SLC24A2: variants seen among roughly 807,000 people sequenced by gnomAD.
SLC24A2 encodes solute carrier family 24 member 2.
In SLC24A2, 36 loss-of-function variants were observed where a neutral mutation model predicts 62.0. The observed-to-expected ratio is 0.58, with a 90% CI of 0.44 to 0.77. The LOEUF is 0.77. SLC24A2 is among the 30% of genes least tolerant of loss of function. SLC24A2 has a pLI of 0.00. For missense variants in SLC24A2, 846 were observed against 817.9 expected, an observed-to-expected ratio of 1.03 and a Z score of -0.42; for synonymous variants, 358 against 294.0, an observed-to-expected ratio of 1.22 and a Z score of -2.23.
the SLC24A2 span, among the ~76,000 whole-genome samples, chr9:19,840,789 A>C: frequency 1.3e-5 from 2 of 152,010 alleles, no homozygotes; most frequent in Non-Finnish European, 2.9e-5. Flanking sequence ...CCTCTCTCTG[A>C]TTTTTATCAT....
chr9:20,277,338 T>A, the SLC24A2 span, among the ~76,000 whole-genome samples: 1 of 151,806 alleles, frequency 6.6e-6, no homozygotes, highest in East Asian at 1.9e-4. Flanking sequence ...TCTACCCATC[T>A]GACAAAGGGC....
chr9:19,532,496 A>G (rs1308920900), intron 8 of SLC24A2, among the ~76,000 whole-genome samples: 6 of 152,134 alleles, frequency 3.9e-5, no homozygotes, highest in Non-Finnish European at 7.4e-5. Flanking sequence ...TGTATTTTTT[A>G]CTGTTGTATT....
At chr9:20,098,137 G>T in the SLC24A2 span, among the ~76,000 whole-genome samples, 1 of 152,126 alleles carries the variant, frequency 6.6e-6, no homozygotes, top group Non-Finnish European at 1.5e-5. Flanking sequence ...AGTAGAGAAG[G>T]TTACTTAGCT....
At chr9:20,041,784 G>C in the SLC24A2 span, among the ~76,000 whole-genome samples, 560 of 152,382 alleles carry the variant, frequency 3.7e-3, 5 homozygotes, top group Non-Finnish European at 6.3e-3. Flanking sequence ...CCAGTCGGGG[G>C]TCTAAGAAGC....
intron 2 of SLC24A2, among the ~76,000 whole-genome samples, chr9:19,784,314 A>G (rs942674733): frequency 6.6e-6 from 1 of 152,230 alleles, no homozygotes; most frequent in Non-Finnish European, 1.5e-5. Flanking sequence ...GCAATCCTAC[A>G]TATACCATTG....
the SLC24A2 span, among the ~76,000 whole-genome samples, chr9:20,164,511 T>C: frequency 1.3e-5 from 2 of 150,292 alleles, no homozygotes; most frequent in African/African-American, 2.4e-5. Flanking sequence ...TGTGGAGAAA[T>C]AGGAACACTT....
chr9:20,231,393 A>G, the SLC24A2 span, among the ~76,000 whole-genome samples: 1 of 152,088 alleles, frequency 6.6e-6, no homozygotes, highest in Non-Finnish European at 1.5e-5. Flanking sequence ...ATTTGTTTGT[A>G]ACCTCTTTTA....
the SLC24A2 span, among the ~76,000 whole-genome samples, chr9:20,062,077 A>T: frequency 1.3e-5 from 2 of 152,124 alleles, no homozygotes; most frequent in Non-Finnish European, 2.9e-5. Context: ...AAAGAAAAAG[A>T]AAATACCCAG....
At chr9:19,886,018 T>A in the SLC24A2 span, among the ~76,000 whole-genome samples, 1 of 152,206 alleles carries the variant, frequency 6.6e-6, no homozygotes, top group Non-Finnish European at 1.5e-5. Flanking sequence ...TTTAGGTTGA[T>A]TCCATGTCTT....
chr9:19,835,137 A>G, the SLC24A2 span, among the ~76,000 whole-genome samples: 1 of 152,234 alleles, frequency 6.6e-6, no homozygotes, highest in Non-Finnish European at 1.5e-5. Context: ...AATTGTAAAG[A>G]CCATCAAGGC....
intron 4 of SLC24A2, among the ~76,000 whole-genome samples, chr9:19,601,145 G>A (rs897195829): frequency 5.9e-5 from 9 of 151,786 alleles, no homozygotes; most frequent in Non-Finnish European, 1.0e-4. Context: ...AGCCAGCAAC[G>A]AGATTGTAAA....
At chr9:20,105,953 A>T in the SLC24A2 span, among the ~76,000 whole-genome samples, 1 of 152,210 alleles carries the variant, frequency 6.6e-6, no homozygotes, top group Non-Finnish European at 1.5e-5. Flanking sequence ...ACCGCTGGCA[A>T]GACTAATAAA....
chr9:19,740,224 T>C (rs1232357259), intron 2 of SLC24A2, among the ~76,000 whole-genome samples: 2 of 152,176 alleles, frequency 1.3e-5, no homozygotes, highest in African/African-American at 2.4e-5. Context: ...ATTCCATTCA[T>C]GGTATGTACC....
chr9:19,905,036 T>TTTG, the SLC24A2 span, among the ~76,000 whole-genome samples: 1 of 152,164 alleles, frequency 6.6e-6, no homozygotes, highest in African/African-American at 2.4e-5. Flanking sequence ...AATTAGATTT[T>TTTG]TTGTTGTTGT....
the SLC24A2 span, among the ~76,000 whole-genome samples, chr9:19,797,169 T>C: frequency 6.6e-6 from 1 of 152,352 alleles, no homozygotes; most frequent in East Asian, 1.9e-4. Context: ...GCTTCTCTTA[T>C]GTCTCTGAGA....
the SLC24A2 span, among the ~76,000 whole-genome samples, chr9:20,008,884 T>C: frequency 6.6e-6 from 1 of 152,148 alleles, no homozygotes; most frequent in South Asian, 2.1e-4. Flanking sequence ...ATAGGAGTTC[T>C]CCGGCTTCAC....
At chr9:19,620,210 G>T (rs1817875441) in intron 3 of SLC24A2, among the ~76,000 whole-genome samples, 1 of 152,142 alleles carries the variant, frequency 6.6e-6, no homozygotes, top group African/African-American at 2.4e-5. Context: ...AGGCATCTAT[G>T]CCCATATCTG....
intron 5 of SLC24A2, among the ~76,000 whole-genome samples, chr9:19,586,414 C>T (rs897736245): frequency 7.2e-5 from 11 of 152,090 alleles, no homozygotes; most frequent in Non-Finnish European, 1.3e-4. Flanking sequence ...TCAGATTTTT[C>T]GCTATATGAA....
chr9:19,669,266 G>T (rs2074456179), intron 2 of SLC24A2, among the ~76,000 whole-genome samples: 2 of 152,142 alleles, frequency 1.3e-5, no homozygotes, highest in South Asian at 4.1e-4. Context: ...CTCCCTTGTG[G>T]TGCAGGAGGA....
Sources: gnomAD v4.1 joint callset for allele counts (sites outside exome capture counted in the v4.1 genomes callset) on GRCh38, gnomAD v4.1.1 for gene constraint, MANE v1.5 for transcripts, NCBI Gene and HGNC (gene_info 2026-07-23, HGNC 2026-07-21) for gene names.